The following NPHP4 variants were observed in gnomAD, a reference collection of about 807,000 sequenced individuals.
NPHP4 encodes nephrocystin-4.
NPHP4 carries 151 observed loss-of-function variants against 155.8 expected under a neutral mutation model. That is an observed-to-expected ratio of 0.97 (90% CI 0.85 to 1.11). The LOEUF is 1.11. Ranked by LOEUF, NPHP4 falls within the 50% of genes least tolerant of loss-of-function variation. The pLI, the probability that NPHP4 is intolerant of heterozygous loss-of-function variation, is 0.00. For missense variants in NPHP4, 1,956 were observed against 1,925.7 expected (o/e 1.02, Z -0.29); for synonymous variants, 845 against 816.8 (o/e 1.03, Z -0.59).
At chr1:5,940,703 CA>C (rs1462193906) in intron 9 of NPHP4, among the ~76,000 whole-genome samples, 2 of 152,006 alleles carry the variant, frequency 1.3e-5, no homozygotes, top group Non-Finnish European at 2.9e-5. Context: ...AACAGCAGCA[CA>C]AAAAATTAAA....
chr1:5,979,809 C>T (rs962340866), intron 2 of NPHP4, among the ~76,000 whole-genome samples: 2 of 152,098 alleles, frequency 1.3e-5, no homozygotes, highest in African/African-American at 2.4e-5. Context: ...CCACCATGCC[C>T]GGCCTGTATT....
At chr1:5,928,595 G>A (rs1275051936) in intron 10 of NPHP4, among the ~76,000 whole-genome samples, 2 of 146,646 alleles carry the variant, frequency 1.4e-5, no homozygotes, top group African/African-American at 5.1e-5. Flanking sequence ...AATTTCATAA[G>A]GCACTTCCAA....
Position 5,986,268 on chromosome 1 carries a change from A to C in NPHP4, c.22T>G (p.Phe8Val), listed in dbSNP as rs1188048120. The change falls in exon 2 of 30, where the codon TTC (phenylalanine) becomes GTC (valine). Residue 8 changes from phenylalanine to valine, a missense_variant. Phe to Val is a conservative substitution (Grantham distance 50). Transcript: ENST00000378156. ...GGAGGGACAAGCACGTTTTGGGTGA[A>C]GATCCTGTGCCAGTCGTTCATCCTG... MNDWHRIFTQNVLVPPHP... is the reference protein window; with the variant it reads MNDWHRIVTQNVLVPPHP... 6.2e-7 allele frequency: 1 copy of C among 1,613,702 alleles called. No individual in the cohort carries two copies. Among genetic ancestry groups the C allele is most frequent in the Non-Finnish European group, 8.5e-7 (1 of 1,179,862 alleles).
chr1:5,909,557 G>A (rs1645076350), intron 11 of NPHP4, among the ~76,000 whole-genome samples: 1 of 152,186 alleles, frequency 6.6e-6, no homozygotes, highest in African/African-American at 2.4e-5. Flanking sequence ...CTGCCCGGAA[G>A]AGCTGGGGTC....
intron 16 of NPHP4, among the ~76,000 whole-genome samples, chr1:5,899,061 G>A (rs1024458504): frequency 1.3e-5 from 2 of 152,204 alleles, no homozygotes; most frequent in African/African-American, 4.8e-5. Context: ...GGCGCTGTCT[G>A]GGCTGCCTGT....
chr1:5,991,146 C>G (rs571411117), intron 1 of NPHP4, among the ~76,000 whole-genome samples: 8 of 152,174 alleles, frequency 5.3e-5, no homozygotes, highest in African/African-American at 1.9e-4. Context: ...GACCCAGATG[C>G]CTTGGGGAGC....
Position 5,956,896 on chromosome 1 carries a change from G to A in NPHP4, c.674-4060C>T, listed in dbSNP as rs1399853749. Among the ~76,000 whole-genome samples the A allele has an allele frequency of 2.0e-5, 3 of 152,180 alleles. No homozygotes were observed. The East Asian group carries it at 5.8e-4, about 29-fold the overall frequency. ...GGAAAAACAAAAGCAAAGACTTGGA[G>A]AGGCTGGGAAACCTGCCCCCAGCTC... On this transcript the variant is annotated intron_variant, in intron 6 of 29. Transcript: ENST00000378156.
rs1021470165 is a variant in NPHP4, at chr1:5,864,378, C to T, written c.3956G>A (p.Trp1319Ter). ...CTGGCGGCAGCAGAGGCACACGAGC[C>T]AGGAGGCCACCAGCTGGTGGCAATC... is the stretch of plus-strand genomic sequence containing the variant. ...DVDCHQLVAS[W>*]LVCLCCRQPL... The change falls in exon 28 of 30, where the codon TGG becomes TAG. Residue 1319 changes from tryptophan (W) to a stop codon, truncating the protein, a stop_gained. Coordinates refer to ENST00000378156, the MANE Select transcript of NPHP4 (RefSeq NM_015102.5). LOFTEE classifies it high-confidence loss of function. 6.2e-7 allele frequency: 1 copy of T among 1,611,320 alleles called. No individual in the cohort carries two copies.
chr1:5,965,419 G>A lies in NPHP4; in HGVS notation c.517+1880C>T, dbSNP rs1651305174. Among the ~76,000 whole-genome samples, 3 of 152,124 alleles carry A rather than the reference G, an allele frequency of 2.0e-5. No homozygotes were observed. In the South Asian group the frequency reaches 6.2e-4, roughly 32 times the overall value. Reference sequence around the variant, plus strand: ...GGACTGTGGACGTGGAGCGAATGTGGTGGCTGTCTACTTTGTTCTCAGGAT... The same window carrying A: ...GGACTGTGGACGTGGAGCGAATGTGATGGCTGTCTACTTTGTTCTCAGGAT... On this transcript the variant is annotated intron_variant, in intron 5 of 29. Coordinates refer to ENST00000378156, the MANE Select transcript of NPHP4 (RefSeq NM_015102.5).
At chr1:5,961,730 A>G (rs1363603223) in intron 6 of NPHP4, 64 bp downstream of exon 6, 3 of 1,516,896 alleles carry the variant, frequency 2.0e-6, no homozygotes, top group African/African-American at 1.4e-5. Flanking sequence ...AGTGCCTTCA[A>G]GGTTTCACTG....
chr1:5,878,044 C>T (rs1430002893), intron 19 of NPHP4, among the ~76,000 whole-genome samples: 1 of 152,212 alleles, frequency 6.6e-6, no homozygotes, highest in Non-Finnish European at 1.5e-5. Context: ...ACATGAGGCT[C>T]CCAGAAAATC....
In NPHP4 at chr1:5,863,879, C is replaced by T. The variant is rs1640900474; in HGVS notation, c.4140+11G>A. The T allele has an allele frequency of 6.2e-7, 1 of 1,613,670 alleles. No individual in the cohort carries two copies. Reference sequence around the variant, plus strand: ...CTTCCCCTAGGAGTCCCAGGCACAGCCCCACCACACCTGGAAGGAGTCCTC... The same window carrying T: ...CTTCCCCTAGGAGTCCCAGGCACAGTCCCACCACACCTGGAAGGAGTCCTC... On this transcript the variant is annotated intron_variant, in intron 29 of 29. Coordinates refer to ENST00000378156, the MANE Select transcript of NPHP4 (RefSeq NM_015102.5).
chr1:5,965,850 G>A (rs1477530289), intron 5 of NPHP4, among the ~76,000 whole-genome samples: 1 of 152,134 alleles, frequency 6.6e-6, no homozygotes, highest in Non-Finnish European at 1.5e-5. Context: ...TTCACCTTTT[G>A]ACATCAGAGG....
intron 5 of NPHP4, among the ~76,000 whole-genome samples, chr1:5,963,255 C>G (rs577780435): frequency 6.6e-6 from 1 of 152,180 alleles, no homozygotes; most frequent in African/African-American, 2.4e-5. Flanking sequence ...ATTACCCAGG[C>G]GTGGTGGTGC....
intron 16 of NPHP4, 102 bp downstream of exon 16, chr1:5,904,515 G>A (rs1644820074): frequency 1.1e-6 from 1 of 903,376 alleles, no homozygotes; most frequent in African/African-American, 1.7e-5. Flanking sequence ...TGTTGCATAT[G>A]TTTTAAACTT....
At chr1:5,973,650 C>T (rs1267134983) in intron 3 of NPHP4, among the ~76,000 whole-genome samples, 1 of 152,240 alleles carries the variant, frequency 6.6e-6, no homozygotes, top group Non-Finnish European at 1.5e-5. Context: ...GACAAACTTA[C>T]AGCTTTCCAT....
At chr1:5,941,334 C>T (rs751817283) in intron 9 of NPHP4, among the ~76,000 whole-genome samples, 2 of 140,428 alleles carry the variant, frequency 1.4e-5, no homozygotes, top group Non-Finnish European at 3.1e-5. Context: ...AAACATTGCA[C>T]GAGGAGAAAA....
At chr1:5,896,920 T>C (rs540038847) in intron 16 of NPHP4, among the ~76,000 whole-genome samples, 174 of 152,268 alleles carry the variant, frequency 1.1e-3, no homozygotes, top group South Asian at 4.1e-3. Flanking sequence ...TGCAACCCCA[T>C]GCATCGATGA....
intron 3 of NPHP4, among the ~76,000 whole-genome samples, chr1:5,972,828 G>A (rs547926929): frequency 2.6e-5 from 4 of 152,028 alleles, no homozygotes; most frequent in African/African-American, 9.6e-5. Context: ...GTGAGATTAC[G>A]GTGCACCCAT....
Sources: allele counts gnomAD v4.1 joint callset (sites outside exome capture counted in the v4.1 genomes callset), GRCh38; gene constraint gnomAD v4.1.1; transcripts MANE v1.5; gene names NCBI Gene and HGNC (gene_info 2026-07-23, HGNC 2026-07-21).